RIC8B: variants seen among roughly 807,000 people sequenced by gnomAD.
RIC8B encodes RIC8 guanine nucleotide exchange factor B.
In RIC8B, 16 loss-of-function variants were observed where a neutral mutation model predicts 57.5. The observed-to-expected ratio is 0.28, with a 90% confidence interval of 0.19 to 0.42. The LOEUF (loss-of-function observed/expected upper bound fraction) is 0.42. Among genes scored for constraint, RIC8B ranks in the 10% least tolerant of loss-of-function variants. The probability of loss-of-function intolerance (pLI) is 1.00; values close to 1 mark genes in which losing one functional copy is unlikely to be tolerated. For missense variants in RIC8B, 481 were observed against 677.0 expected (o/e 0.71, Z 3.21); for synonymous variants, 216 against 250.8 (o/e 0.86, Z 1.31).
rs936154188 is a variant in RIC8B, at chr12:106,888,369, T to C, written c.*2354T>C. ...TATCTGTTAAGTGCTTACTACATGC[T>C]GGGCTTTTGATGTATGTTATCTCAT... On this transcript the variant is annotated 3_prime_UTR_variant, in exon 10 of 10. Transcript: ENST00000392837. 2.0e-5 allele frequency: 3 copies of C among 152,282 alleles called. No homozygotes were observed. Among genetic ancestry groups the C allele is most frequent in the Admixed American group, 6.5e-5 (1 of 15,284 alleles). The allele number at this position is 152,282 out of a possible 1,614,324, so 9.4% of individuals were successfully genotyped here. A position where few individuals can be genotyped will look rare whatever the true frequency, so the allele number is the denominator to read the frequency against.
In RIC8B at chr12:106,888,413, A is replaced by G. The variant is rs1046126206; in HGVS notation, c.*2398A>G. On this transcript the variant is annotated 3_prime_UTR_variant, in exon 10 of 10. Transcript: ENST00000392837. Reference sequence around the variant, plus strand: ...ATCTCATGTAACCTCACCTTATCGCATATGAAAGATCCTCTCCAGAAAGCT... The same window carrying G: ...ATCTCATGTAACCTCACCTTATCGCGTATGAAAGATCCTCTCCAGAAAGCT... The G allele has an allele frequency of 6.6e-6, 1 of 152,514 alleles. No individual in the cohort carries two copies. Among genetic ancestry groups the G allele is most frequent in the African/African-American group, 2.4e-5 (1 of 41,456 alleles). The allele number at this position is 152,514 out of a possible 1,614,324, so 9.4% of individuals were successfully genotyped here. A position where few individuals can be genotyped will look rare whatever the true frequency, so the allele number is the denominator to read the frequency against.
rs1034719185 is a variant in RIC8B, at chr12:106,874,647, T to C, written c.1571+3705T>C. Reference sequence around the variant, plus strand: ...ACTACCAAAATTGTAAAACCACCAATGTAAAAGTTAAAATTACATTTCTAT... The same window carrying C: ...ACTACCAAAATTGTAAAACCACCAACGTAAAAGTTAAAATTACATTTCTAT... On this transcript the variant is annotated intron_variant, in intron 9 of 9. Coordinates refer to ENST00000392837, the MANE Select transcript of RIC8B (RefSeq NM_001330145.2). The C allele has an allele frequency of 3.7e-6, 4 of 1,074,008 alleles. No individual in the cohort carries two copies. In the Admixed American group the frequency reaches 6.6e-5, roughly 18 times the overall value. 66.5% of individuals were successfully genotyped at this position (1,074,008 alleles called of 1,614,324 possible). A position where few individuals can be genotyped will look rare whatever the true frequency, so the allele number is the denominator to read the frequency against.
At chr12:106,780,108 G>C (rs576402255) in intron 1 of RIC8B, among the ~76,000 whole-genome samples, 2 of 152,104 alleles carry the variant, frequency 1.3e-5, no homozygotes, top group Admixed American at 6.5e-5. Context: ...GAGGTATGGA[G>C]TAGTATCATG....
At chr12:106,804,642 T>C (rs1350459392) in intron 2 of RIC8B, among the ~76,000 whole-genome samples, 2 of 152,256 alleles carry the variant, frequency 1.3e-5, no homozygotes, top group Admixed American at 6.5e-5. Flanking sequence ...ACACAGTGCT[T>C]TGAAGATGTC....
chr12:106,776,259 C>T (rs2043480964), intron 1 of RIC8B, among the ~76,000 whole-genome samples: 1 of 152,192 alleles, frequency 6.6e-6, no homozygotes, highest in South Asian at 2.1e-4. Context: ...TTCTGATACA[C>T]TTTATTGTTG....
chr12:106,869,397 G>A (rs763088791), intron 8 of RIC8B, among the ~76,000 whole-genome samples: 10 of 151,976 alleles, frequency 6.6e-5, no homozygotes, highest in Non-Finnish European at 1.0e-4. Context: ...GTTGCAAGCT[G>A]GCTACCAGAA....
At chr12:106,807,319 A>G (rs2088078652) in intron 2 of RIC8B, among the ~76,000 whole-genome samples, 1 of 152,256 alleles carries the variant, frequency 6.6e-6, no homozygotes, top group African/African-American at 2.4e-5. Flanking sequence ...AGTGTTTATT[A>G]CCTTTTCAAG....
At chr12:106,850,793 A>G (rs1566134645) in intron 6 of RIC8B, among the ~76,000 whole-genome samples, 1 of 152,166 alleles carries the variant, frequency 6.6e-6, no homozygotes, top group Non-Finnish European at 1.5e-5. Context: ...TTAATTAAAT[A>G]AAGGTTGAGT....
At chr12:106,781,135 A>T (rs1365095061) in intron 1 of RIC8B, among the ~76,000 whole-genome samples, 12 of 151,890 alleles carry the variant, frequency 7.9e-5, no homozygotes, top group Admixed American at 5.9e-4. Flanking sequence ...CTTTTTTTTT[A>T]AATGGGGTTT....
chr12:106,785,163 G>A (rs1002775893), intron 2 of RIC8B, among the ~76,000 whole-genome samples: 12 of 152,082 alleles, frequency 7.9e-5, no homozygotes, highest in African/African-American at 2.4e-4. Context: ...GCCTACTTTC[G>A]CAGCTTATTT....
intron 2 of RIC8B, among the ~76,000 whole-genome samples, chr12:106,784,941 C>G (rs1465042053): frequency 6.6e-6 from 1 of 152,222 alleles, no homozygotes; most frequent in Non-Finnish European, 1.5e-5. Flanking sequence ...AGGCCTACAT[C>G]TGATTACTGC....
At chr12:106,878,863 T>C in intron 9 of RIC8B, 1 of 365,284 alleles carries the variant, frequency 2.7e-6, no homozygotes, top group Non-Finnish European at 3.8e-6. Context: ...TAGAACAAAA[T>C]ATGTTACATA....
intron 8 of RIC8B, among the ~76,000 whole-genome samples, chr12:106,866,756 C>T (rs964542871): frequency 2.4e-4 from 36 of 152,134 alleles, no homozygotes; most frequent in Admixed American, 3.9e-4. Flanking sequence ...ATCTTGATTT[C>T]TAACTTCTTT....
chr12:106,850,983 A>G (rs1051723440), intron 6 of RIC8B, among the ~76,000 whole-genome samples: 13 of 152,256 alleles, frequency 8.5e-5, no homozygotes, highest in Non-Finnish European at 1.9e-4. Context: ...TAGAAGTCCG[A>G]AGCACTTCTG....
intron 7 of RIC8B, among the ~76,000 whole-genome samples, chr12:106,857,204 A>G (rs138557299): frequency 6.6e-6 from 1 of 152,262 alleles, no homozygotes; most frequent in South Asian, 2.1e-4. Context: ...AGTTGTGTGG[A>G]ATAAGAAATG....
chr12:106,847,359 C>T (rs553262433), intron 6 of RIC8B, among the ~76,000 whole-genome samples: 1 of 152,060 alleles, frequency 6.6e-6, no homozygotes, highest in Non-Finnish European at 1.5e-5. Flanking sequence ...ACATGATAAC[C>T]TTTGTTCATA....
intron 2 of RIC8B, among the ~76,000 whole-genome samples, chr12:106,802,966 T>TG (rs2044804859): frequency 6.6e-6 from 1 of 151,868 alleles, no homozygotes; most frequent in Admixed American, 6.6e-5. Context: ...TTCCAGCACT[T>TG]TGGGAGGCAA....
At chr12:106,823,684 A>AT (rs375444524) in intron 3 of RIC8B, among the ~76,000 whole-genome samples, 2,469 of 143,010 alleles carry the variant, frequency 0.017, 61 homozygotes, top group African/African-American at 0.053. Flanking sequence ...ATATGAGATA[A>AT]TTTTTTTTTT....
intron 3 of RIC8B, 53 bp from the exon 4 acceptor site, chr12:106,825,673 C>T (rs2082989821): frequency 1.5e-6 from 2 of 1,324,248 alleles, no homozygotes; most frequent in East Asian, 4.6e-5. Context: ...TAGCAGACCC[C>T]ACTGTTCAGG....
Sources: allele counts gnomAD v4.1 joint callset (sites outside exome capture counted in the v4.1 genomes callset), GRCh38; gene constraint gnomAD v4.1.1; transcripts MANE v1.5; gene names NCBI Gene and HGNC (gene_info 2026-07-23, HGNC 2026-07-21).